AGO2: variants seen among roughly 807,000 people sequenced by gnomAD.
AGO2 encodes protein argonaute-2.
Under a neutral mutation model 102.3 loss-of-function variants are expected in AGO2, and 5 were observed. The observed-to-expected ratio is 0.05, with a 90% CI of 0.03 to 0.10. AGO2 has a LOEUF of 0.10. AGO2 is among the 10% of genes least tolerant of loss of function. The probability of loss-of-function intolerance (pLI) is 1.00; values close to 1 mark genes in which losing one functional copy is unlikely to be tolerated. For synonymous variants in AGO2, 449 were observed against 473.1 expected, an observed-to-expected ratio of 0.95 and a Z score of 0.66; for missense variants, 541 against 1,183.7, an observed-to-expected ratio of 0.46 and a Z score of 7.97.
rs756726275 is a variant in AGO2 at position 140,589,258 on chromosome 8, G to A, written c.23-3947C>T. ...AGGCCTGCCAGGATTCCCCGCAGAC[G>A]TGTACCCTGAGGCGGGGAGAGCAGC... On this transcript the variant is annotated intron_variant, in intron 1 of 18. Coordinates refer to ENST00000220592, the MANE Select transcript of AGO2 (RefSeq NM_012154.5). This position sits in a 1 kb window ranked among gnomAD's most constrained non-coding sequence, Gnocchi z 4.2. 2.4e-4 allele frequency among the ~76,000 whole-genome samples: 37 copies of A among 152,194 alleles called. No homozygotes were observed. Among genetic ancestry groups the A allele is most frequent in the Non-Finnish European group, 4.3e-4 (29 of 68,030 alleles).
chr8:140,631,318 G>A (rs1322668701), intron 1 of AGO2, among the ~76,000 whole-genome samples: 1 of 152,154 alleles, frequency 6.6e-6, no homozygotes, highest in African/African-American at 2.4e-5. Context: ...GAGGCAGGTA[G>A]ATCACCTGAG....
At chr8:140,631,622 C>T (rs935146457) in intron 1 of AGO2, among the ~76,000 whole-genome samples, 1 of 151,922 alleles carries the variant, frequency 6.6e-6, no homozygotes, top group Admixed American at 6.6e-5. Flanking sequence ...GCTTTAGAGG[C>T]GGAAGGCAGA....
intron 1 of AGO2, among the ~76,000 whole-genome samples, chr8:140,586,287 G>A (rs931968605): frequency 1.3e-5 from 2 of 152,324 alleles, no homozygotes; most frequent in African/African-American, 2.4e-5. Context: ...GAGGTCAGGA[G>A]TTTGAGACCA....
rs748859391 is a variant in AGO2 at position 140,572,935 on chromosome 8, G to A, written c.216-3C>T. On this transcript the variant is annotated splice_polypyrimidine_tract_variant and splice_region_variant and intron_variant, in intron 2 of 18. Transcript: ENST00000220592. ...GGACCATGTGTTCCACGATTTCCCT[G>A]AAACAAAGACAAAAGTCGGGCAAAA... is the stretch of plus-strand genomic sequence containing the variant. 1.9e-6 allele frequency: 3 copies of A among 1,600,056 alleles called. No homozygotes were observed. Among genetic ancestry groups the A allele is most frequent in the Non-Finnish European group, 2.6e-6 (3 of 1,173,698 alleles).
Position 140,557,268 on chromosome 8 carries a change from G to A in AGO2, c.879-32C>T. 1 of 1,585,032 alleles carries A rather than the reference G, an allele frequency of 6.3e-7. No individual in the cohort carries two copies. ...AGCAAAGGGGCTGTTCAGGCCGAGG[G>A]CATCCCGGAGCCCCTTCCCCTGCGC... On this transcript the variant is annotated intron_variant, in intron 7 of 18. Coordinates refer to ENST00000220592, the MANE Select transcript of AGO2 (RefSeq NM_012154.5). The surrounding 1 kb of genome is among the most constrained non-coding windows in gnomAD (Gnocchi z 5.9).
At chr8:140,532,364 C>T in intron 18 of AGO2, 52 bp downstream of exon 18, 1 of 1,562,150 alleles carries the variant, frequency 6.4e-7, no homozygotes, top group Non-Finnish European at 8.7e-7. Flanking sequence ...GCTGCCAATA[C>T]CCGTGGCAAA....
chr8:140,597,993 TG>T (rs1168474436), intron 1 of AGO2, among the ~76,000 whole-genome samples: 3 of 152,212 alleles, frequency 2.0e-5, no homozygotes, highest in African/African-American at 7.2e-5. Flanking sequence ...CGGGGCCCCA[TG>T]CTGGGCTGTA....
At chr8:140,631,211 G>C (rs906258240) in intron 1 of AGO2, among the ~76,000 whole-genome samples, 1 of 152,198 alleles carries the variant, frequency 6.6e-6, no homozygotes, top group Admixed American at 6.5e-5. Flanking sequence ...AAAACGGAGG[G>C]GGAGGGGAGG....
At chr8:140,617,793 G>T (rs1381467109) in intron 1 of AGO2, among the ~76,000 whole-genome samples, 1 of 152,108 alleles carries the variant, frequency 6.6e-6, no homozygotes. Flanking sequence ...GAGGTGGCAG[G>T]ACTGCTTGAG....
In AGO2 at chr8:140,589,956, G is replaced by C. The variant is rs1026947164; in HGVS notation, c.23-4645C>G. Among the ~76,000 whole-genome samples the C allele has an allele frequency of 6.6e-6, 1 of 152,230 alleles. No individual in the cohort carries two copies. Among genetic ancestry groups the C allele is most frequent in the African/African-American group, 2.4e-5 (1 of 41,458 alleles). On this transcript the variant is annotated intron_variant, in intron 1 of 18. Coordinates refer to ENST00000220592, the MANE Select transcript of AGO2 (RefSeq NM_012154.5). The surrounding 1 kb of genome is among the most constrained non-coding windows in gnomAD (Gnocchi z 4.2). ...CTCCCTTATGGCCACCCAAGTTGAC[G>C]CTAAACACAGTCATGGCAGCTTTTT...
chr8:140,572,935 G>C lies in AGO2; in HGVS notation c.216-3C>G, dbSNP rs748859391. 1.9e-6 allele frequency: 3 copies of C among 1,599,946 alleles called. No homozygotes were observed. The South Asian group carries it at 3.4e-5, about 18-fold the overall frequency. The stretch of plus-strand genomic sequence containing the variant: ...GGACCATGTGTTCCACGATTTCCCT[G>C]AAACAAAGACAAAAGTCGGGCAAAA... On this transcript the variant is annotated splice_polypyrimidine_tract_variant and splice_region_variant and intron_variant, in intron 2 of 18. Transcript: ENST00000220592.
Position 140,627,825 on chromosome 8 carries a change from A to G in AGO2, c.22+7660T>C, listed in dbSNP as rs367900833. ...CATGGCGGTCACTTGTCAGAGCTCCACGCTTCATCAGTAAAGGAGACCACC... is the reference window on the plus strand; with the variant it reads ...CATGGCGGTCACTTGTCAGAGCTCCGCGCTTCATCAGTAAAGGAGACCACC... On this transcript the variant is annotated intron_variant, in intron 1 of 18. Coordinates refer to ENST00000220592, the MANE Select transcript of AGO2 (RefSeq NM_012154.5). Among the ~76,000 whole-genome samples the G allele has an allele frequency of 9.9e-5, 15 of 152,256 alleles. No individual in the cohort carries two copies. The East Asian group carries it at 2.5e-3, about 25-fold the overall frequency.
the AGO2 span, among the ~76,000 whole-genome samples, chr8:140,641,295 AACACACACAC>A: frequency 5.3e-3 from 777 of 146,920 alleles, 6 homozygotes; most frequent in African/African-American, 0.016. Flanking sequence ...GCTGTCTCAA[AACACACACAC>A]ACACACACAC....
At chr8:140,594,625 A>C (rs1391861260) in intron 1 of AGO2, among the ~76,000 whole-genome samples, 1 of 151,060 alleles carries the variant, frequency 6.6e-6, no homozygotes, top group East Asian at 2.0e-4. Flanking sequence ...CCATCTGTAC[A>C]AAAAAAAATA....
chr8:140,609,470 C>T (rs772074461), intron 1 of AGO2, among the ~76,000 whole-genome samples: 1 of 152,222 alleles, frequency 6.6e-6, no homozygotes, highest in Non-Finnish European at 1.5e-5. Flanking sequence ...GTCGGCACGG[C>T]GGCCCGCCCA....
rs752497782 is a variant in AGO2 at position 140,557,689 on chromosome 8, G to A, written c.879-453C>T. Among the ~76,000 whole-genome samples the A allele has an allele frequency of 2.0e-5, 3 of 152,258 alleles. No individual in the cohort carries two copies. Among genetic ancestry groups the A allele is most frequent in the African/African-American group, 7.2e-5 (3 of 41,472 alleles). On this transcript the variant is annotated intron_variant, in intron 7 of 18. Coordinates refer to ENST00000220592, the MANE Select transcript of AGO2 (RefSeq NM_012154.5). The surrounding 1 kb of genome is among the most constrained non-coding windows in gnomAD (Gnocchi z 5.9). ...CGGTGACGGCAGGAGACGCCTGGGT[G>A]CAGTATGGGTGAGTGAGGGGGAGGC...
chr8:140,537,204 T>A (rs1336048089), intron 16 of AGO2, among the ~76,000 whole-genome samples: 1 of 152,144 alleles, frequency 6.6e-6, no homozygotes, highest in Non-Finnish European at 1.5e-5. Context: ...ACTTCCTTTG[T>A]CCTGGTAGAA....
chr8:140,583,142 C>T (rs531557790), intron 2 of AGO2, among the ~76,000 whole-genome samples: 26 of 152,340 alleles, frequency 1.7e-4, no homozygotes, highest in African/African-American at 6.0e-4. Context: ...CCTCCTGCCT[C>T]GGACATCAGA....
chr8:140,537,984 A>T (rs908168300), intron 16 of AGO2, among the ~76,000 whole-genome samples: 4 of 151,828 alleles, frequency 2.6e-5, no homozygotes, highest in Non-Finnish European at 5.9e-5. Context: ...ACGCCTGGGT[A>T]ATTTTATGTA....
Sources: gnomAD v4.1 joint callset for allele counts (sites outside exome capture counted in the v4.1 genomes callset) on GRCh38, gnomAD v4.1.1 for gene constraint, Gnocchi (gnomAD v3.1) non-coding constraint, MANE v1.5 for transcripts, NCBI Gene and HGNC (gene_info 2026-07-23, HGNC 2026-07-21) for gene names.